TRIM44: variants seen among roughly 807,000 people sequenced by gnomAD.
The protein encoded by TRIM44 is tripartite motif containing 44, also known as tripartite motif-containing protein 44.
TRIM44 carries 13 observed loss-of-function variants against 37.4 expected under a neutral mutation model. The ratio of observed to expected loss-of-function variants is 0.35; its 90% CI spans 0.23 to 0.55. TRIM44 has a LOEUF of 0.55. Ranked by LOEUF, TRIM44 falls within the 20% of genes least tolerant of loss-of-function variation. The pLI, the probability that TRIM44 is intolerant of heterozygous loss-of-function variation, is 0.89. For synonymous variants in TRIM44, 175 were observed against 157.2 expected (o/e 1.11, Z -0.85); for missense variants, 426 against 437.2 (o/e 0.97, Z 0.23).
chr11:35,676,118 T>C (rs758510691), intron 1 of TRIM44, among the ~76,000 whole-genome samples: 5 of 152,232 alleles, frequency 3.3e-5, no homozygotes, highest in African/African-American at 4.8e-5. Context: ...ACTCAGCCTC[T>C]GAGTCTTGGT....
At chr11:35,740,389 G>A (rs185814573) in intron 4 of TRIM44, among the ~76,000 whole-genome samples, 1 of 152,254 alleles carries the variant, frequency 6.6e-6, no homozygotes, top group East Asian at 1.9e-4. Context: ...AAACTCTTGT[G>A]CTTAGAGGAG....
At chr11:35,709,547 A>G (rs1342925956) in intron 2 of TRIM44, among the ~76,000 whole-genome samples, 1 of 152,208 alleles carries the variant, frequency 6.6e-6, no homozygotes, top group African/African-American at 2.4e-5. Flanking sequence ...ATCCAAGCCA[A>G]TTAATTACCA....
intron 1 of TRIM44, among the ~76,000 whole-genome samples, chr11:35,669,724 C>G (rs1050491936): frequency 1.3e-5 from 2 of 152,122 alleles, no homozygotes; most frequent in Admixed American, 1.3e-4. Flanking sequence ...GGTGATCCAC[C>G]TGCCTTGGCC....
chr11:35,685,333 TA>T lies in TRIM44; in HGVS notation c.747del (p.Val250Ter). 1 of 1,614,020 alleles carries T rather than the reference TA, an allele frequency of 6.2e-7. No homozygotes were observed. The highest frequency in any genetic ancestry group is 1.3e-5 in the African/African-American group (1 of 75,064). On this transcript the variant is annotated frameshift_variant and splice_region_variant, in exon 2 of 5. Transcript: ENST00000299413. LOFTEE classifies it high-confidence loss of function. The part of the protein sequence containing the change: ...ERLKFKSSDP[K>X]VTRDQMKMFI... ...GGTTGAAGTTCAAGAGCTCAGACCC[TA>T]AAGTAAGTATTGTTTGGAATTGATT...
chr11:35,663,750 C>T lies in TRIM44; in HGVS notation c.639C>T (p.Ser213=). 6.2e-7 allele frequency: 1 copy of T among 1,614,038 alleles called. No individual in the cohort carries two copies. The highest frequency in any genetic ancestry group is 8.5e-7 in the Non-Finnish European group (1 of 1,180,004). ...VIGAHQGHQL[S]TLDEAFEELR... ...GGGCTCACCAGGGCCACCAACTCTC[C>T]ACCCTAGACGAAGCCTTTGAAGAAT... Residue 213 remains serine (S), a synonymous_variant, in exon 1 of 5, where the codon TCC becomes TCT. Transcript: ENST00000299413.
rs116161369 is a variant in TRIM44 at position 35,682,998 on chromosome 11, A to G, written c.670-2261A>G. 9.3e-3 allele frequency among the ~76,000 whole-genome samples: 1,410 copies of G among 152,300 alleles called. 21 individuals are homozygous for G. The highest frequency in any genetic ancestry group is 0.031 in the African/African-American group (1,300 of 41,556). On this transcript the variant is annotated intron_variant, in intron 1 of 4. Coordinates refer to ENST00000299413, the MANE Select transcript of TRIM44 (RefSeq NM_017583.6). ...GCGCTGGCAGCTGGGATGTGGGGGA[A>G]GAGAGCTTTCCAGGGACAAGTGACC...
At chr11:35,732,003 T>G (rs1029445382) in intron 3 of TRIM44, among the ~76,000 whole-genome samples, 3 of 152,200 alleles carry the variant, frequency 2.0e-5, no homozygotes, top group Non-Finnish European at 4.4e-5. Context: ...GGTGATACCA[T>G]TCAAAGCAAG....
rs1430200337 is a variant in TRIM44, at chr11:35,793,584, C to T, written c.1008-12774C>T. 2.6e-5 allele frequency among the ~76,000 whole-genome samples: 4 copies of T among 152,094 alleles called. No individual in the cohort carries two copies. In the East Asian group the frequency reaches 5.8e-4, roughly 22 times the overall value. Reference sequence around the variant, plus strand: ...TCCCCTGTAACGAGGAGAAAGTTTTCGAGTAATTGGTGCCCAGACTGGAGT... The same window carrying T: ...TCCCCTGTAACGAGGAGAAAGTTTTTGAGTAATTGGTGCCCAGACTGGAGT... On this transcript the variant is annotated intron_variant, in intron 4 of 4. Transcript: ENST00000299413.
intron 4 of TRIM44, among the ~76,000 whole-genome samples, chr11:35,746,856 A>G (rs1852498276): frequency 6.6e-6 from 1 of 152,212 alleles, no homozygotes. Flanking sequence ...ATTTTCTTAT[A>G]TAAATGCCTC....
intron 2 of TRIM44, among the ~76,000 whole-genome samples, chr11:35,713,725 G>A (rs147439767): frequency 1.5e-3 from 223 of 152,228 alleles, no homozygotes; most frequent in African/African-American, 5.1e-3. Context: ...TGTGGTTCTT[G>A]GGTAAGCAGG....
Position 35,787,963 on chromosome 11 carries a change from C to T in TRIM44, c.1008-18395C>T, listed in dbSNP as rs116014285. ...CTCACTTTCCAGGCTGCCACTCCCCCCTTCCTCACCAGCTTTGATGCCAGC... is the reference window on the plus strand; with the variant it reads ...CTCACTTTCCAGGCTGCCACTCCCCTCTTCCTCACCAGCTTTGATGCCAGC... On this transcript the variant is annotated intron_variant, in intron 4 of 4. Coordinates refer to ENST00000299413, the MANE Select transcript of TRIM44 (RefSeq NM_017583.6). Among the ~76,000 whole-genome samples, 88 of 152,344 alleles carry T rather than the reference C, an allele frequency of 5.8e-4. 1 individual carries two copies. The East Asian group carries it at 0.017, about 29-fold the overall frequency.
In TRIM44 at chr11:35,751,324, G is replaced by A. The variant is rs150620712; in HGVS notation, c.1007+15879G>A. On this transcript the variant is annotated intron_variant, in intron 4 of 4. Transcript: ENST00000299413. ...AAGAAAACATTTTACAAACCCTTAA[G>A]TACTGCATCTAACGAATAGTAATTT... is the stretch of plus-strand genomic sequence containing the variant. Among the ~76,000 whole-genome samples the A allele has an allele frequency of 1.8e-3, 281 of 152,304 alleles. 2 individuals carry two copies. Among genetic ancestry groups the A allele is most frequent in the African/African-American group, 6.5e-3 (270 of 41,574 alleles).
At chr11:35,760,084 C>G (rs1852701617) in intron 4 of TRIM44, among the ~76,000 whole-genome samples, 1 of 152,228 alleles carries the variant, frequency 6.6e-6, no homozygotes, top group Non-Finnish European at 1.5e-5. Flanking sequence ...ATGCCCTGCC[C>G]TCAGAGGTGG....
In TRIM44 at chr11:35,762,759, G is replaced by A. The variant is rs60771887; in HGVS notation, c.1007+27314G>A. 8.3e-3 allele frequency among the ~76,000 whole-genome samples: 1,259 copies of A among 152,260 alleles called. 16 individuals carry two copies. The highest frequency in any genetic ancestry group is 0.028 in the African/African-American group (1,169 of 41,544). ...CTTTGGGGTTAGAGGTTCTGGGTTTGAATTCCAGCTTTACCACCTGCTAGC... is the reference window on the plus strand; with the variant it reads ...CTTTGGGGTTAGAGGTTCTGGGTTTAAATTCCAGCTTTACCACCTGCTAGC... On this transcript the variant is annotated intron_variant, in intron 4 of 4. Coordinates refer to ENST00000299413, the MANE Select transcript of TRIM44 (RefSeq NM_017583.6).
rs146982262 is a variant in TRIM44 at position 35,716,685 on chromosome 11, C to T, written c.748-9239C>T. Among the ~76,000 whole-genome samples the T allele has an allele frequency of 3.9e-3, 592 of 152,182 alleles. 3 individuals are homozygous for T. The highest frequency in any genetic ancestry group is 5.1e-3 in the Admixed American group (78 of 15,276). On this transcript the variant is annotated intron_variant, in intron 2 of 4. Coordinates refer to ENST00000299413, the MANE Select transcript of TRIM44 (RefSeq NM_017583.6). ...TGGTGGAGAAAATAAAACTTGACTC[C>T]AGAGTTTGGAGCCTGATAACTGCCT...
chr11:35,762,808 TAACTATTTA>T (rs751083214), intron 4 of TRIM44, among the ~76,000 whole-genome samples: 53 of 152,320 alleles, frequency 3.5e-4, no homozygotes, highest in Admixed American at 1.4e-3. Context: ...ACCTACTATT[TAACTATTTA>T]AACTATTTAA....
chr11:35,674,179 G>T (rs993045876), intron 1 of TRIM44, among the ~76,000 whole-genome samples: 2 of 152,044 alleles, frequency 1.3e-5, no homozygotes, highest in Middle Eastern at 6.8e-3. Context: ...AATGCAGAAG[G>T]CTGGCTCTGG....
At chr11:35,768,259 A>G (rs961442401) in intron 4 of TRIM44, among the ~76,000 whole-genome samples, 1 of 152,242 alleles carries the variant, frequency 6.6e-6, no homozygotes, top group African/African-American at 2.4e-5. Context: ...GGTACCATGC[A>G]AAGTAGCTTG....
At chr11:35,780,831 G>A (rs910304355) in intron 4 of TRIM44, among the ~76,000 whole-genome samples, 1 of 139,534 alleles carries the variant, frequency 7.2e-6, no homozygotes, top group Non-Finnish European at 1.5e-5. Flanking sequence ...AACACATGCT[G>A]CCTTCTTTCT....
Sources: gnomAD v4.1 joint callset for allele counts (sites outside exome capture counted in the v4.1 genomes callset) on GRCh38, gnomAD v4.1.1 for gene constraint, MANE v1.5 for transcripts, NCBI Gene and HGNC (gene_info 2026-07-23, HGNC 2026-07-21) for gene names.